SIK3: variants seen among roughly 807,000 people sequenced by gnomAD.
The protein encoded by SIK3 is SIK family kinase 3, also known as serine/threonine-protein kinase SIK3.
A neutral mutation model predicts 144.2 loss-of-function variants in SIK3; 28 were observed. That is an observed-to-expected ratio of 0.19 (90% confidence interval 0.14 to 0.27). The LOEUF is 0.27. Ranked by LOEUF, SIK3 falls within the 10% of genes least tolerant of loss-of-function variation. SIK3 has a pLI of 1.00. For synonymous variants in SIK3, 686 were observed against 676.3 expected, an observed-to-expected ratio of 1.01 and a Z score of -0.22; for missense variants, 1,319 against 1,776.0, an observed-to-expected ratio of 0.74 and a Z score of 4.62.
At chr11:117,020,629 A>C (rs1167563778) in intron 1 of SIK3, among the ~76,000 whole-genome samples, 2 of 152,136 alleles carry the variant, frequency 1.3e-5, no homozygotes, top group Admixed American at 6.5e-5. Flanking sequence ...TACCTAATGA[A>C]GCCTCCATAA....
At chr11:117,050,455 G>A (rs1243985185) in intron 1 of SIK3, among the ~76,000 whole-genome samples, 2 of 152,104 alleles carry the variant, frequency 1.3e-5, no homozygotes, top group African/African-American at 2.4e-5. Flanking sequence ...GGAGGCAGAG[G>A]CGGGCAGATC....
chr11:117,098,094 C>A, intron 1 of SIK3, 49 bp downstream of exon 1: 1 of 1,370,770 alleles, frequency 7.3e-7, no homozygotes, highest in East Asian at 3.6e-5. Context: ...GCGCGGACCT[C>A]TCCCGGCCCC....
At chr11:116,988,576 T>A (rs1048452520) in intron 1 of SIK3, among the ~76,000 whole-genome samples, 4 of 151,602 alleles carry the variant, frequency 2.6e-5, no homozygotes, top group African/African-American at 4.9e-5. Flanking sequence ...AGCTCAGGAG[T>A]TTGAGACCAG....
chr11:116,904,315 G>A (rs569507594), intron 4 of SIK3, among the ~76,000 whole-genome samples: 123 of 152,290 alleles, frequency 8.1e-4, no homozygotes, highest in African/African-American at 2.9e-3. Context: ...AAGTTCAAGT[G>A]ACAAGCAAGA....
intron 3 of SIK3, among the ~76,000 whole-genome samples, chr11:116,929,071 C>A (rs1304660182): frequency 6.6e-6 from 1 of 152,152 alleles, no homozygotes; most frequent in African/African-American, 2.4e-5. Context: ...GAACTTTAAA[C>A]AACACGAAGT....
At chr11:116,947,566 TG>T (rs369504538) in intron 3 of SIK3, among the ~76,000 whole-genome samples, 9,053 of 60,876 alleles carry the variant, frequency 0.15, 370 homozygotes, top group Non-Finnish European at 0.23. Flanking sequence ...TATGTATGTA[TG>T]TATTTTTTTT....
intron 1 of SIK3, among the ~76,000 whole-genome samples, chr11:117,003,954 C>T (rs1950949299): frequency 1.3e-5 from 2 of 152,072 alleles, no homozygotes; most frequent in Admixed American, 1.3e-4. Context: ...GCTACTGCTG[C>T]CTTCGTCTGA....
chr11:116,845,969 A>G (rs1941906378), intron 24 of SIK3, among the ~76,000 whole-genome samples: 1 of 152,230 alleles, frequency 6.6e-6, no homozygotes, highest in Non-Finnish European at 1.5e-5. Context: ...GCCTTAAAAA[A>G]TATGGCTGGA....
At chr11:117,074,649 G>A (rs1027123745) in intron 1 of SIK3, among the ~76,000 whole-genome samples, 1 of 152,062 alleles carries the variant, frequency 6.6e-6, no homozygotes, top group Non-Finnish European at 1.5e-5. Context: ...AAGGCCAGGC[G>A]TGGTGGCTCA....
At chr11:117,041,020 T>G (rs1952720132) in intron 1 of SIK3, among the ~76,000 whole-genome samples, 1 of 150,516 alleles carries the variant, frequency 6.6e-6, no homozygotes, top group Admixed American at 6.7e-5. Flanking sequence ...CAATACAATA[T>G]TATTAACTAT....
Position 116,873,995 on chromosome 11 carries a change from C to A in SIK3, c.1489G>T (p.Ala497Ser). Reference protein sequence around the residue: ...LPGFPGVNPQAPFLQVAPNVN... With the variant: ...LPGFPGVNPQSPFLQVAPNVN... ...TTAGGGGCCACCTGCAGGAATGGAG[C>A]CTGGGGGTTGACTCCAGGAAAGCCA... Residue 497 changes from alanine (A) to serine (S), a missense_variant, in exon 12 of 25, where the codon GCT becomes TCT. Around this residue, in one of 8 missense-constraint regions of SIK3, gnomAD observed 167 missense variants for 263.3 expected, o/e 0.63. Transcript: ENST00000445177. 3 of 1,614,068 alleles carry A rather than the reference C, an allele frequency of 1.9e-6. No homozygotes were observed. The highest frequency in any genetic ancestry group is 2.5e-6 in the Non-Finnish European group (3 of 1,179,996).
At chr11:116,859,637 G>A in intron 19 of SIK3, 33 bp from the exon 20 acceptor site, 13 of 1,586,166 alleles carry the variant, frequency 8.2e-6, no homozygotes, top group Non-Finnish European at 1.1e-5. Context: ...GTGACCAAGT[G>A]CCCAGGCCAC....
chr11:116,949,336 T>C (rs2135357390), intron 3 of SIK3, among the ~76,000 whole-genome samples: 1 of 152,360 alleles, frequency 6.6e-6, no homozygotes, highest in South Asian at 2.1e-4. Flanking sequence ...ACAGTGTTTT[T>C]GCTAGGACTT....
At chr11:116,884,535 A>G (rs191561122) in intron 6 of SIK3, among the ~76,000 whole-genome samples, 14 of 149,224 alleles carry the variant, frequency 9.4e-5, no homozygotes, top group African/African-American at 3.0e-4. Flanking sequence ...AATTTTTTGT[A>G]TTTTTAGTAG....
intron 13 of SIK3, 48 bp downstream of exon 13, chr11:116,873,433 T>C: frequency 6.2e-7 from 1 of 1,613,710 alleles, no homozygotes; most frequent in Non-Finnish European, 8.5e-7. Flanking sequence ...ACAACCTTTT[T>C]ATCAAAAGCC....
At chr11:116,932,374 T>C (rs2135180046) in intron 3 of SIK3, among the ~76,000 whole-genome samples, 1 of 152,332 alleles carries the variant, frequency 6.6e-6, no homozygotes, top group South Asian at 2.1e-4. Flanking sequence ...TTAAATCTTA[T>C]ATAATTATAG....
intron 6 of SIK3, among the ~76,000 whole-genome samples, chr11:116,892,123 G>A (rs919387928): frequency 2.0e-5 from 3 of 152,162 alleles, no homozygotes; most frequent in Non-Finnish European, 2.9e-5. Context: ...GCCCTAGATC[G>A]AGAGGTCTGG....
chr11:117,067,966 AG>A (rs1401817750), intron 1 of SIK3, among the ~76,000 whole-genome samples: 1 of 152,220 alleles, frequency 6.6e-6, no homozygotes, highest in Non-Finnish European at 1.5e-5. Context: ...CCTGGGCAAC[AG>A]AACAAGACCC....
intron 1 of SIK3, among the ~76,000 whole-genome samples, chr11:117,002,372 T>G (rs1446810851): frequency 1.3e-5 from 2 of 151,990 alleles, no homozygotes; most frequent in African/African-American, 4.8e-5. Context: ...ATTCTTCCAG[T>G]GTGGCCAGGG....
Sources: gnomAD v4.1 joint callset for allele counts (sites outside exome capture counted in the v4.1 genomes callset) on GRCh38, gnomAD v4.1.1 for gene constraint, gnomAD v4.1.1 regional missense constraint, MANE v1.5 for transcripts, NCBI Gene and HGNC (gene_info 2026-07-23, HGNC 2026-07-21) for gene names.